Variants in FANCD2 observed in about 807,000 individuals in gnomAD.
FANCD2 encodes FA complementation group D2.
In FANCD2, 131 loss-of-function variants were observed where a neutral mutation model predicts 192.3. The ratio of observed to expected loss-of-function variants is 0.68; its 90% CI spans 0.59 to 0.79. The LOEUF (loss-of-function observed/expected upper bound fraction) is 0.79. FANCD2 is among the 30% of genes least tolerant of loss of function. FANCD2 has a pLI of 0.00. For synonymous variants in FANCD2, 524 were observed against 612.5 expected (o/e 0.86, Z 2.13); for missense variants, 1,508 against 1,701.6 (o/e 0.89, Z 2.00).
chr3:10,043,004 C>T, intron 11 of FANCD2, 46 bp from the exon 12 acceptor site: 1 of 1,496,956 alleles, frequency 6.7e-7, no homozygotes, highest in South Asian at 1.1e-5. Context: ...TGTGCCTACC[C>T]ACTATGAATG....
chr3:10,099,291 G>A (rs35619439), intron 43 of FANCD2: 296 of 1,244,252 alleles, frequency 2.4e-4, no homozygotes, highest in Non-Finnish European at 2.8e-4. Flanking sequence ...GCTTTTTTGT[G>A]GTACAGATGC....
intron 22 of FANCD2, 38 bp from the exon 23 acceptor site, chr3:10,064,691 C>T: frequency 6.2e-7 from 1 of 1,611,754 alleles, no homozygotes. Flanking sequence ...CTTGCGTATT[C>T]CTGAGCTGCA....
At chr3:10,055,339 C>G (rs972282267) in intron 18 of FANCD2, among the ~76,000 whole-genome samples, 1 of 152,128 alleles carries the variant, frequency 6.6e-6, no homozygotes, top group Non-Finnish European at 1.5e-5. Context: ...CCTCTCCCCA[C>G]CCCCTAATAA....
intron 30 of FANCD2, among the ~76,000 whole-genome samples, chr3:10,079,198 C>G (rs1310986498): frequency 6.6e-6 from 1 of 151,506 alleles, no homozygotes; most frequent in East Asian, 2.0e-4. Flanking sequence ...GAACCAAGAT[C>G]ATGCTACTGC....
chr3:10,051,998 C>G (rs764801338), intron 17 of FANCD2, among the ~76,000 whole-genome samples: 1 of 151,228 alleles, frequency 6.6e-6, no homozygotes, highest in African/African-American at 2.4e-5. Context: ...ATTGTTTTCA[C>G]TGAAAAAAAA....
At chr3:10,039,975 G>C in intron 9 of FANCD2, 130 bp downstream of exon 9, 4 of 970,754 alleles carry the variant, frequency 4.1e-6, no homozygotes, top group Non-Finnish European at 6.2e-6. Flanking sequence ...TTCATGAGTA[G>C]GGTATGGGAT....
At chr3:10,078,056 A>T in intron 29 of FANCD2, 25 bp from the exon 30 acceptor site, 2 of 1,456,580 alleles carry the variant, frequency 1.4e-6, no homozygotes, top group Non-Finnish European at 1.9e-6. Flanking sequence ...CATTCCTGGA[A>T]CTAATCCTTT....
rs56123930 is a variant in FANCD2, at chr3:10,028,869, G to A, written c.64+148G>A. ...ATTAAGGGAGAAATATCAGATTTGGGACTGAGTTTTTGCCTCGAATTCTGC... is the reference window on the plus strand; with the variant it reads ...ATTAAGGGAGAAATATCAGATTTGGAACTGAGTTTTTGCCTCGAATTCTGC... On this transcript the variant is annotated intron_variant, in intron 2 of 43. Coordinates refer to ENST00000675286, the MANE Select transcript of FANCD2 (RefSeq NM_001018115.3). 4.3e-3 allele frequency: 3,451 copies of A among 806,766 alleles called. 69 individuals are homozygous for A. Among genetic ancestry groups the A allele is most frequent in the South Asian group, 0.025 (1,740 of 68,598 alleles). The allele number at this position is 806,766 out of a possible 1,614,324, so 50.0% of individuals were successfully genotyped here.
chr3:10,069,911 G>A (rs1301603390), intron 26 of FANCD2, among the ~76,000 whole-genome samples: 4 of 151,972 alleles, frequency 2.6e-5, no homozygotes, highest in Admixed American at 2.6e-4. Context: ...GAGCGTCTCT[G>A]CCTGGCCGCC....
At position 10,034,535 on chromosome 3, in the gene FANCD2, A is replaced by T; in HGVS notation, c.272A>T (p.Lys91Ile). ...QTLRRHPSYP[K>I]IIEEFVSGLE... is the part of the protein sequence containing the mutation. ...CTGAGGAGACACCCTTCCTATCCCA[A>T]AGTATGTATTTTTCCCCTGGTATTT... Residue 91 changes from lysine to isoleucine, a missense_variant and splice_region_variant, in exon 4 of 44, where the codon AAA (lysine) becomes ATA (isoleucine). By Grantham distance (102) the Lys-to-Ile change is moderately radical. Transcript: ENST00000675286. 6.2e-7 allele frequency: 1 copy of T among 1,609,596 alleles called. No homozygotes were observed. The highest frequency in any genetic ancestry group is 1.1e-5 in the South Asian group (1 of 90,978).
intron 9 of FANCD2, chr3:10,040,614 A>G: frequency 4.4e-6 from 2 of 455,782 alleles, no homozygotes; most frequent in Non-Finnish European, 8.8e-6. Context: ...TTTGAAAAAT[A>G]GTAATTGGTA....
At chr3:10,039,659 G>C in intron 8 of FANCD2, 62 bp from the exon 9 acceptor site, 1 of 1,593,858 alleles carries the variant, frequency 6.3e-7, no homozygotes, top group Non-Finnish European at 8.6e-7. Flanking sequence ...CATTTCACAC[G>C]TAGGTAGTCT....
At chr3:10,070,484 T>G (rs112906586) in intron 26 of FANCD2, among the ~76,000 whole-genome samples, 12 of 51,378 alleles carry the variant, frequency 2.3e-4, no homozygotes, top group African/African-American at 7.0e-4. Context: ...CGGGCCAGCC[T>G]CCCGGTCCGG....
At chr3:10,051,538 A>G (rs2087217393) in intron 17 of FANCD2, among the ~76,000 whole-genome samples, 1 of 152,108 alleles carries the variant, frequency 6.6e-6, no homozygotes, top group Admixed American at 6.6e-5. Flanking sequence ...ATTGAATTAT[A>G]AGGGTGGAAG....
At chr3:10,099,935 C>T (rs1160571796) in intron 43 of FANCD2, among the ~76,000 whole-genome samples, 1 of 152,168 alleles carries the variant, frequency 6.6e-6, no homozygotes, top group African/African-American at 2.4e-5. Flanking sequence ...GTGGCTCACA[C>T]CTGTAATCGT....
At chr3:10,027,950 C>A (rs926131060) in intron 1 of FANCD2, among the ~76,000 whole-genome samples, 6 of 149,772 alleles carry the variant, frequency 4.0e-5, no homozygotes, top group Non-Finnish European at 7.4e-5. Flanking sequence ...GGGCGGCTCA[C>A]ACCTGTAATC....
intron 14 of FANCD2, chr3:10,045,585 T>G (rs1185868957): frequency 1.3e-5 from 2 of 151,220 alleles, no homozygotes; most frequent in African/African-American, 4.9e-5. Flanking sequence ...TTCCAACTTT[T>G]CACAAAGTAA....
intron 2 of FANCD2, chr3:10,032,465 G>C: frequency 3.6e-6 from 1 of 281,456 alleles, no homozygotes; most frequent in East Asian, 1.1e-4. Flanking sequence ...GTGGAGGGGG[G>C]GAATGGGGGT....
chr3:10,040,773 A>T, intron 9 of FANCD2: 1 of 337,546 alleles, frequency 3.0e-6, no homozygotes, highest in South Asian at 2.3e-5. Flanking sequence ...CCTCCAAAAC[A>T]TCCAGTGATT....
Sources: allele counts gnomAD v4.1 joint callset (sites outside exome capture counted in the v4.1 genomes callset), GRCh38; gene constraint gnomAD v4.1.1; transcripts MANE v1.5; gene names NCBI Gene and HGNC (gene_info 2026-07-23, HGNC 2026-07-21).